MICAL3: variants seen among roughly 807,000 people sequenced by gnomAD.
MICAL3 encodes microtubule associated monooxygenase, calponin and LIM domain containing 3, also known as [F-actin]-monooxygenase MICAL3.
A neutral mutation model predicts 207.4 loss-of-function variants in MICAL3; 62 were observed. The ratio of observed to expected loss-of-function variants is 0.30; its 90% CI spans 0.24 to 0.37. MICAL3 has a LOEUF of 0.37. Among genes scored for constraint, MICAL3 ranks in the 10% least tolerant of loss-of-function variants. The pLI, the probability that MICAL3 is intolerant of heterozygous loss-of-function variation, is 1.00. For synonymous variants in MICAL3, 1,077 were observed against 1,069.3 expected, an observed-to-expected ratio of 1.01 and a Z score of -0.14; for missense variants, 2,368 against 2,635.6, an observed-to-expected ratio of 0.90 and a Z score of 2.22.
At chr22:17,945,344 C>T (rs1381282708) in intron 1 of MICAL3, among the ~76,000 whole-genome samples, 1 of 152,208 alleles carries the variant, frequency 6.6e-6, no homozygotes, top group Admixed American at 6.5e-5. Context: ...TAATAGGGCA[C>T]CTTGGGCGCT....
chr22:17,863,874 C>T (rs753626464), intron 19 of MICAL3: 12 of 985,394 alleles, frequency 1.2e-5, no homozygotes, highest in Non-Finnish European at 1.4e-5. Context: ...TTTCCTGGCA[C>T]TGGCTGACCA....
intron 1 of MICAL3, among the ~76,000 whole-genome samples, chr22:17,939,177 G>A (rs1239164839): frequency 1.3e-5 from 2 of 152,134 alleles, no homozygotes; most frequent in Non-Finnish European, 2.9e-5. Context: ...AGCCCTGCAC[G>A]GCCTGCAGAG....
chr22:17,975,677 C>T (rs1230629736), intron 1 of MICAL3, among the ~76,000 whole-genome samples: 1 of 152,166 alleles, frequency 6.6e-6, no homozygotes, highest in African/African-American at 2.4e-5. Context: ...TTTCAAGTCA[C>T]CCCAAGTGTG....
At chr22:17,888,792 A>T (rs1930145813) in intron 13 of MICAL3, among the ~76,000 whole-genome samples, 1 of 152,248 alleles carries the variant, frequency 6.6e-6, no homozygotes, top group African/African-American at 2.4e-5. Context: ...AAGACGGCAC[A>T]GGAACGATTT....
At position 17,827,844 on chromosome 22, in the gene MICAL3, G is replaced by A. The variant is rs2146034084; in HGVS notation, c.3056-63C>T. ...GGGAAGGAGGGGATGAAATAGCATG[G>A]GAAAGGAAACAGAAAGAGAAGTTAC... On this transcript the variant is annotated intron_variant, in intron 21 of 31. Transcript: ENST00000441493. 5.4e-6 allele frequency: 8 copies of A among 1,488,738 alleles called. No homozygotes were observed. In the South Asian group the frequency reaches 8.7e-5, roughly 16 times the overall value. 92.2% of individuals were successfully genotyped at this position (1,488,738 alleles called of 1,614,324 possible). A position where few individuals can be genotyped will look rare whatever the true frequency, so the allele number is the denominator to read the frequency against.
At position 18,016,957 on chromosome 22, in the gene MICAL3, T is replaced by C. The variant is rs75682928; in HGVS notation, c.-75+7324A>G. 3.3e-5 allele frequency among the ~76,000 whole-genome samples: 5 copies of C among 152,014 alleles called. No homozygotes were observed. In the East Asian group the frequency reaches 7.8e-4, roughly 24 times the overall value. ...TCTGTCTCAAAAAAAAAAAAAAGTT[T>C]CTTTTCTTTCTGCAGTATTCAAAAT... On this transcript the variant is annotated intron_variant, in intron 1 of 31. Coordinates refer to ENST00000441493, the MANE Select transcript of MICAL3 (RefSeq NM_015241.3).
At chr22:17,801,144 T>TTTTC (rs1159005090) in intron 29 of MICAL3, among the ~76,000 whole-genome samples, 1 of 108,222 alleles carries the variant, frequency 9.2e-6, no homozygotes, top group Non-Finnish European at 1.7e-5. Context: ...TGAGTTTCCT[T>TTTTC]TTTCTTTTTT....
chr22:17,943,875 A>G (rs540883257), intron 1 of MICAL3, among the ~76,000 whole-genome samples: 23 of 152,342 alleles, frequency 1.5e-4, no homozygotes, highest in African/African-American at 5.3e-4. Flanking sequence ...CAGGTGAGAG[A>G]TGGAGTTTTT....
At chr22:17,979,612 G>A (rs1317235480) in intron 1 of MICAL3, among the ~76,000 whole-genome samples, 1 of 151,992 alleles carries the variant, frequency 6.6e-6, no homozygotes, top group African/African-American at 2.4e-5. Flanking sequence ...GATTTCATTA[G>A]AGGAATTCCC....
chr22:17,909,910 G>A (rs116033164), intron 1 of MICAL3, among the ~76,000 whole-genome samples: 1 of 152,270 alleles, frequency 6.6e-6, no homozygotes, highest in African/African-American at 2.4e-5. Context: ...GGACTTCTGA[G>A]GCTTCACTTG....
intron 1 of MICAL3, among the ~76,000 whole-genome samples, chr22:17,916,074 A>C (rs1276358009): frequency 4.0e-5 from 6 of 149,236 alleles, no homozygotes; most frequent in African/African-American, 1.3e-4. Context: ...AAAAAAAAAA[A>C]AAAAAACCCA....
At position 17,975,910 on chromosome 22, in the gene MICAL3, G is replaced by C. The variant is rs929776878; in HGVS notation, c.-75+48371C>G. On this transcript the variant is annotated intron_variant, in intron 1 of 31. Transcript: ENST00000441493. The stretch of plus-strand genomic sequence containing the variant: ...TACTAAAAATACAAAAATTAGCCGG[G>C]CGTGGCAGTACATACCTGTAATCCC... Among the ~76,000 whole-genome samples the C allele has an allele frequency of 5.3e-5, 8 of 152,190 alleles. No homozygotes were observed. The East Asian group carries it at 1.5e-3, about 29-fold the overall frequency.
chr22:17,878,276 G>A (rs887600926), intron 16 of MICAL3, among the ~76,000 whole-genome samples: 2 of 152,204 alleles, frequency 1.3e-5, no homozygotes, highest in Non-Finnish European at 2.9e-5. Flanking sequence ...CCTTTTTGAG[G>A]GGACACAGCC....
chr22:17,889,539 G>C (rs1930223318), intron 12 of MICAL3, among the ~76,000 whole-genome samples: 1 of 152,182 alleles, frequency 6.6e-6, no homozygotes, highest in African/African-American at 2.4e-5. Flanking sequence ...CTCGAGAATA[G>C]GGACTGGCTG....
chr22:17,882,494 C>T (rs1929534414), intron 16 of MICAL3, among the ~76,000 whole-genome samples: 2 of 152,218 alleles, frequency 1.3e-5, no homozygotes, highest in South Asian at 4.1e-4. Context: ...ACTGGAGTTC[C>T]TCTGTCCCAG....
chr22:18,008,916 G>C (rs1207713566), intron 1 of MICAL3, among the ~76,000 whole-genome samples: 1 of 151,706 alleles, frequency 6.6e-6, no homozygotes, highest in Non-Finnish European at 1.5e-5. Flanking sequence ...ACAGCGAGAG[G>C]CTGTCTCTTC....
chr22:18,013,709 T>C (rs1923883027), intron 1 of MICAL3, among the ~76,000 whole-genome samples: 1 of 152,218 alleles, frequency 6.6e-6, no homozygotes, highest in South Asian at 2.1e-4. Flanking sequence ...AATTATTTTA[T>C]CTGCATAGTA....
intron 25 of MICAL3, among the ~76,000 whole-genome samples, chr22:17,820,642 C>T (rs1921482016): frequency 6.6e-6 from 1 of 152,142 alleles, no homozygotes; most frequent in South Asian, 2.1e-4. Context: ...GCGTGAGCCA[C>T]CGCGCCTGGC....
chr22:17,827,922 T>C (rs1195493009), intron 21 of MICAL3, 141 bp from the exon 22 acceptor site: 1 of 754,648 alleles, frequency 1.3e-6, no homozygotes, highest in African/African-American at 1.9e-5. Context: ...TAAGAACATG[T>C]ATGCACATGT....
Sources: allele counts gnomAD v4.1 joint callset (sites outside exome capture counted in the v4.1 genomes callset), GRCh38; gene constraint gnomAD v4.1.1; transcripts MANE v1.5; gene names NCBI Gene and HGNC (gene_info 2026-07-23, HGNC 2026-07-21).